Variants in GRIA4 observed in about 807,000 individuals in gnomAD.
GRIA4 encodes the protein glutamate receptor 4.
In GRIA4, 34 loss-of-function variants were observed where a neutral mutation model predicts 104.0. The observed-to-expected ratio is 0.33, with a 90% confidence interval of 0.25 to 0.44. The LOEUF (loss-of-function observed/expected upper bound fraction) is 0.44. Among genes scored for constraint, GRIA4 ranks in the 20% least tolerant of loss-of-function variants. The probability of loss-of-function intolerance (pLI) is 1.00; values close to 1 mark genes in which losing one functional copy is unlikely to be tolerated. For synonymous variants in GRIA4, 386 were observed against 381.9 expected (o/e 1.01, Z -0.13); for missense variants, 750 against 1,096.5 (o/e 0.68, Z 4.46).
chr11:105,873,525 A>G (rs1945693748), intron 5 of GRIA4, among the ~76,000 whole-genome samples: 1 of 152,026 alleles, frequency 6.6e-6, no homozygotes, highest in African/African-American at 2.4e-5. Context: ...GGTTGAACTA[A>G]TTTACACTCC....
intron 3 of GRIA4, among the ~76,000 whole-genome samples, chr11:105,656,274 G>T (rs1435794104): frequency 6.6e-6 from 1 of 152,078 alleles, no homozygotes; most frequent in Non-Finnish European, 1.5e-5. Flanking sequence ...ATGGGGAAAG[G>T]ATTCCCTATT....
rs1013881826 is a variant in GRIA4, at chr11:105,974,681, G to A, written c.2544+237G>A. ...GAGCTTTATATTTTTGAAAACTTCA[G>A]TGCAAATTGGTTCGGTTTTCTTTGG... On this transcript the variant is annotated intron_variant, in intron 16 of 16. Coordinates refer to ENST00000282499, the MANE Select transcript of GRIA4 (RefSeq NM_000829.4). 1.8e-5 allele frequency: 17 copies of A among 945,114 alleles called. No homozygotes were observed. The African/African-American group carries it at 2.5e-4, about 14-fold the overall frequency. 58.5% of individuals were successfully genotyped at this position (945,114 alleles called of 1,614,324 possible). A position where few individuals can be genotyped will look rare whatever the true frequency, so the allele number is the denominator to read the frequency against.
intron 9 of GRIA4, among the ~76,000 whole-genome samples, chr11:105,908,620 A>T (rs1947127182): frequency 6.6e-6 from 1 of 151,908 alleles, no homozygotes; most frequent in Non-Finnish European, 1.5e-5. Flanking sequence ...AGGCCAAAAA[A>T]AAAAATAAAG....
intron 5 of GRIA4, among the ~76,000 whole-genome samples, chr11:105,869,940 T>C (rs75397251): frequency 1.2e-3 from 179 of 152,134 alleles, no homozygotes; most frequent in African/African-American, 4.1e-3. Context: ...TTTACCAAAA[T>C]AATAATGATA....
At chr11:105,977,280 T>G (rs1443155955) in intron 16 of GRIA4, among the ~76,000 whole-genome samples, 1 of 152,024 alleles carries the variant, frequency 6.6e-6, no homozygotes, top group East Asian at 1.9e-4. Flanking sequence ...TTGTTTAAAT[T>G]TAGTGATTAG....
At chr11:105,734,720 A>G (rs1938823874) in intron 3 of GRIA4, among the ~76,000 whole-genome samples, 1 of 152,170 alleles carries the variant, frequency 6.6e-6, no homozygotes, top group South Asian at 2.1e-4. Context: ...TGCAATTTTC[A>G]TTTATGTCTG....
At chr11:105,671,698 A>AAAAAAAAAAAAT in intron 3 of GRIA4, among the ~76,000 whole-genome samples, 1 of 150,952 alleles carries the variant, frequency 6.6e-6, no homozygotes, top group Non-Finnish European at 1.5e-5. Context: ...AAAAAAAAAA[A>AAAAAAAAAAAAT]AAAGAATAAC....
intron 4 of GRIA4, among the ~76,000 whole-genome samples, chr11:105,789,064 T>C (rs1178825018): frequency 6.6e-6 from 1 of 152,058 alleles, no homozygotes; most frequent in Non-Finnish European, 1.5e-5. Context: ...GATAAAATAA[T>C]TTAATGGAAT....
intron 3 of GRIA4, among the ~76,000 whole-genome samples, chr11:105,702,534 G>T (rs112808766): frequency 3.3e-5 from 5 of 151,568 alleles, no homozygotes; most frequent in African/African-American, 1.2e-4. Context: ...GGCATGAAAA[G>T]ACATTTATAT....
chr11:105,752,570 A>G (rs1484530868), intron 3 of GRIA4, among the ~76,000 whole-genome samples: 1 of 152,182 alleles, frequency 6.6e-6, no homozygotes, highest in Admixed American at 6.5e-5. Context: ...TTCAATTAAT[A>G]CTCAAAAATT....
At chr11:105,742,786 G>C (rs1939395428) in intron 3 of GRIA4, among the ~76,000 whole-genome samples, 1 of 152,078 alleles carries the variant, frequency 6.6e-6, no homozygotes, top group Admixed American at 6.6e-5. Flanking sequence ...ACCCAAGCTG[G>C]AGTGCAGTGG....
At chr11:105,970,345 G>C (rs1382999274) in intron 14 of GRIA4, among the ~76,000 whole-genome samples, 1 of 151,988 alleles carries the variant, frequency 6.6e-6, no homozygotes, top group Non-Finnish European at 1.5e-5. Flanking sequence ...ATGGGTTTTA[G>C]TTTAACCAGA....
intron 3 of GRIA4, among the ~76,000 whole-genome samples, chr11:105,659,239 C>T (rs1359017032): frequency 6.6e-6 from 1 of 151,922 alleles, no homozygotes; most frequent in Non-Finnish European, 1.5e-5. Flanking sequence ...GCATGGCTGT[C>T]ACAAGAAGCT....
At chr11:105,831,449 G>A (rs930948794) in intron 4 of GRIA4, among the ~76,000 whole-genome samples, 1 of 151,932 alleles carries the variant, frequency 6.6e-6, no homozygotes, top group Admixed American at 6.6e-5. Context: ...ATGAGCATAC[G>A]GGAAAAGGAC....
chr11:105,612,279 G>T lies in GRIA4; in HGVS notation c.92G>T (p.Gly31Val). Residue 31 changes from glycine (G) to valine (V), a missense_variant, in exon 3 of 17, where the codon GGT (glycine) becomes GTT (valine). Physicochemically the swap from Gly to Val is moderately radical, Grantham distance 109 (BLOSUM62 -3). Transcript: ENST00000282499. ...GAFPSSVQIG[G>V]LFIRNTDQEY... The stretch of plus-strand genomic sequence containing the variant: ...CTTTTCCTGCTGTTTTTAATAGGTG[G>T]TCTCTTCATCCGAAACACAGATCAG... 1 of 1,613,970 alleles carries T rather than the reference G, an allele frequency of 6.2e-7. No homozygotes were observed. The highest frequency in any genetic ancestry group is 8.5e-7 in the Non-Finnish European group (1 of 1,179,874).
At chr11:105,797,303 C>A (rs909064390) in intron 4 of GRIA4, among the ~76,000 whole-genome samples, 5 of 152,032 alleles carry the variant, frequency 3.3e-5, no homozygotes, top group Non-Finnish European at 7.4e-5. Context: ...GTAAGCAAAG[C>A]CCGCTAACAA....
chr11:105,826,295 T>A (rs1299756288), intron 4 of GRIA4, among the ~76,000 whole-genome samples: 1 of 151,990 alleles, frequency 6.6e-6, no homozygotes, highest in Non-Finnish European at 1.5e-5. Flanking sequence ...CCACTAGACT[T>A]GTAGACTTCT....
chr11:105,654,620 G>A (rs1182430136), intron 3 of GRIA4, among the ~76,000 whole-genome samples: 2 of 152,062 alleles, frequency 1.3e-5, no homozygotes, highest in African/African-American at 4.8e-5. Context: ...TGTCAATCTG[G>A]TATAATTGCT....
intron 14 of GRIA4, among the ~76,000 whole-genome samples, chr11:105,966,755 A>G (rs1170956262): frequency 1.3e-5 from 2 of 152,196 alleles, no homozygotes; most frequent in East Asian, 1.9e-4. Context: ...CAATTAACAG[A>G]ATATGCTAGT....
Sources: gnomAD v4.1 joint callset for allele counts (sites outside exome capture counted in the v4.1 genomes callset) on GRCh38, gnomAD v4.1.1 for gene constraint, MANE v1.5 for transcripts, NCBI Gene and HGNC (gene_info 2026-07-23, HGNC 2026-07-21) for gene names.